RABGAP1: variants seen among roughly 807,000 people sequenced by gnomAD.
RABGAP1 encodes the protein RAB GTPase activating protein 1, also known as rab GTPase-activating protein 1.
A neutral mutation model predicts 137.6 loss-of-function variants in RABGAP1; 23 were observed. The observed-to-expected ratio is 0.17, with a 90% CI of 0.12 to 0.24. The LOEUF (loss-of-function observed/expected upper bound fraction) is 0.24. Among genes scored for constraint, RABGAP1 ranks in the 10% least tolerant of loss-of-function variants. RABGAP1 has a pLI of 1.00. For missense variants in RABGAP1, 906 were observed against 1,275.8 expected (o/e 0.71, Z 4.42); for synonymous variants, 451 against 450.7 (o/e 1.00, Z -0.01).
chr9:123,035,682 G>A (rs1008219099), intron 13 of RABGAP1: 13 of 667,762 alleles, frequency 1.9e-5, no homozygotes, highest in Admixed American at 6.5e-5. Context: ...GTGTGTGTGT[G>A]TATTTTATCT....
At chr9:122,934,432 G>A in the RABGAP1 span, among the ~76,000 whole-genome samples, 2 of 152,094 alleles carry the variant, frequency 1.3e-5, no homozygotes, top group Non-Finnish European at 2.9e-5. Flanking sequence ...TGATTCTCTT[G>A]TAGACAGCAT....
chr9:122,996,571 A>G lies in RABGAP1; in HGVS notation c.1067A>G (p.Asp356Gly), dbSNP rs771438306. The change falls in exon 8 of 26, where the codon GAT (aspartate) becomes GGT (glycine). Residue 356 changes from aspartate to glycine, a missense_variant. Around this residue, in one of 9 missense-constraint regions of RABGAP1, gnomAD observed 212 missense variants for 289.4 expected, o/e 0.73. Transcript: ENST00000373647. ...GGTCTTCTCCTTAGTCCAGGAAAAGATGTACGAAATAGTGACATGCACTTA... is the reference window on the plus strand; with the variant it reads ...GGTCTTCTCCTTAGTCCAGGAAAAGGTGTACGAAATAGTGACATGCACTTA... ...CFGLLLSPGK[D>G]VRNSDMHLLD... 15 of 1,609,468 alleles carry G rather than the reference A, an allele frequency of 9.3e-6. No homozygotes were observed. The South Asian group carries it at 1.3e-4, about 14-fold the overall frequency.
intron 2 of RABGAP1, among the ~76,000 whole-genome samples, chr9:122,959,751 C>T (rs1019741981): frequency 6.6e-6 from 1 of 152,200 alleles, no homozygotes; most frequent in African/African-American, 2.4e-5. Context: ...GGGCTATCTT[C>T]CAAAGCAGGA....
rs34492374 is a variant in RABGAP1 at position 123,015,289 on chromosome 9, C to CTTT, written c.1550-237_1550-235dup. Among the ~76,000 whole-genome samples the CTTT allele has an allele frequency of 5.0e-3, 614 of 121,632 alleles. 9 individuals carry two copies. Among genetic ancestry groups the CTTT allele is most frequent in the South Asian group, 0.016 (56 of 3,578 alleles). 79.8% of individuals were successfully genotyped at this position (121,632 alleles called of 152,430 possible). On this transcript the variant is annotated intron_variant, in intron 11 of 25. Coordinates refer to ENST00000373647, the MANE Select transcript of RABGAP1 (RefSeq NM_012197.4). ...CTATAGTTTTATAATTAAATAGCTC[C>CTTT]TTTTTTTTTTTTTTTTTTTGCAATT... is the stretch of plus-strand genomic sequence containing the variant.
rs899503939 is a variant in RABGAP1, at chr9:123,103,444, A to T, written c.*231A>T. The T allele has an allele frequency of 3.4e-5, 16 of 467,776 alleles. No homozygotes were observed. Among genetic ancestry groups the T allele is most frequent in the Non-Finnish European group, 4.7e-5 (13 of 274,282 alleles). 29.0% of individuals were successfully genotyped at this position (467,776 alleles called of 1,614,324 possible). On this transcript the variant is annotated 3_prime_UTR_variant, in exon 26 of 26. Transcript: ENST00000373647. ...TCAGCCGACGCTCTGGACACTCTAG[A>T]AATCACTCCTCAGTGTGACCTCCCA... is the stretch of plus-strand genomic sequence containing the variant.
intron 14 of RABGAP1, among the ~76,000 whole-genome samples, chr9:123,068,149 A>T (rs2034238321): frequency 6.6e-6 from 1 of 152,156 alleles, no homozygotes; most frequent in Non-Finnish European, 1.5e-5. Context: ...CAGGAGTTCG[A>T]GACCAGCCTG....
At chr9:123,068,181 C>CATGTTGTACTAAATTT (rs1194082875) in intron 14 of RABGAP1, among the ~76,000 whole-genome samples, 10 of 151,924 alleles carry the variant, frequency 6.6e-5, no homozygotes, top group Non-Finnish European at 1.2e-4. Context: ...GAAACCCCAT[C>CATGTTGTACTAAATTT]TCTACTAAAA....
intron 13 of RABGAP1, among the ~76,000 whole-genome samples, chr9:123,060,443 T>A (rs2033924249): frequency 6.6e-6 from 1 of 152,220 alleles, no homozygotes; most frequent in African/African-American, 2.4e-5. Context: ...TATACCATAA[T>A]TTATCACTTT....
chr9:122,997,204 T>A, intron 8 of RABGAP1, 55 bp from the exon 9 acceptor site: 2 of 1,357,522 alleles, frequency 1.5e-6, no homozygotes, highest in Non-Finnish European at 2.1e-6. Context: ...AGATGGGGGT[T>A]AACTGTTGTT....
chr9:122,977,713 GAAAA>G (rs201847384), intron 2 of RABGAP1, among the ~76,000 whole-genome samples: 3 of 146,374 alleles, frequency 2.0e-5, no homozygotes, highest in African/African-American at 7.5e-5. Context: ...GTCTCAAAAA[GAAAA>G]AAAAAAGCAG....
intron 13 of RABGAP1, among the ~76,000 whole-genome samples, chr9:123,049,441 C>T (rs2033362963): frequency 6.6e-6 from 1 of 151,978 alleles, no homozygotes; most frequent in African/African-American, 2.4e-5. Flanking sequence ...AATAGAGAAA[C>T]CTAGATGGAT....
At chr9:122,950,492 A>C (rs1376887041) in intron 1 of RABGAP1, among the ~76,000 whole-genome samples, 1 of 146,554 alleles carries the variant, frequency 6.8e-6, no homozygotes, top group Non-Finnish European at 1.5e-5. Context: ...TTAGTTTTGC[A>C]AGGAATTGGT....
intron 2 of RABGAP1, among the ~76,000 whole-genome samples, chr9:122,960,922 A>G (rs147148071): frequency 1.3e-3 from 194 of 152,328 alleles, no homozygotes; most frequent in African/African-American, 4.3e-3. Context: ...GTACATTTCA[A>G]CTGGCAAAAG....
At chr9:123,045,825 A>T (rs1397879324) in intron 13 of RABGAP1, among the ~76,000 whole-genome samples, 4 of 152,174 alleles carry the variant, frequency 2.6e-5, no homozygotes, top group African/African-American at 9.7e-5. Context: ...AAATGGGATA[A>T]TACTACCTCA....
intron 16 of RABGAP1, 39 bp downstream of exon 16, chr9:123,073,716 A>G (rs1247628275): frequency 1.9e-6 from 3 of 1,612,744 alleles, no homozygotes; most frequent in Admixed American, 1.7e-5. Context: ...CAAAAAGAGT[A>G]CAGGACTAAG....
intron 15 of RABGAP1, among the ~76,000 whole-genome samples, chr9:123,071,189 C>T (rs527652142): frequency 6.6e-6 from 1 of 152,302 alleles, no homozygotes; most frequent in African/African-American, 2.4e-5. Flanking sequence ...AATACACATT[C>T]AATTTTCTCC....
intron 21 of RABGAP1, among the ~76,000 whole-genome samples, chr9:123,096,334 A>T (rs2035182408): frequency 6.6e-6 from 1 of 152,084 alleles, no homozygotes; most frequent in African/African-American, 2.4e-5. Flanking sequence ...AAGTAAACAG[A>T]TGGAAAAAGA....
intron 4 of RABGAP1, among the ~76,000 whole-genome samples, chr9:122,987,753 G>A (rs1588218991): frequency 1.3e-5 from 2 of 152,060 alleles, no homozygotes; most frequent in Non-Finnish European, 2.9e-5. Flanking sequence ...TTATAAATAG[G>A]TATCTTTGAG....
At chr9:123,096,130 G>A (rs1027311579) in intron 21 of RABGAP1, among the ~76,000 whole-genome samples, 27 of 151,640 alleles carry the variant, frequency 1.8e-4, no homozygotes, top group Admixed American at 4.7e-4. Flanking sequence ...TTGTTCTGTC[G>A]CTTCCTGAGA....
Sources: allele counts gnomAD v4.1 joint callset (sites outside exome capture counted in the v4.1 genomes callset), GRCh38; gene constraint gnomAD v4.1.1; regional missense constraint gnomAD v4.1.1; transcripts MANE v1.5; gene names NCBI Gene and HGNC (gene_info 2026-07-23, HGNC 2026-07-21).